The following PPP2R2B variants were observed in gnomAD, a reference collection of about 807,000 sequenced individuals.
PPP2R2B encodes serine/threonine-protein phosphatase 2A 55 kDa regulatory subunit B beta isoform.
A neutral mutation model predicts 46.0 loss-of-function variants in PPP2R2B; 5 were observed. The ratio of observed to expected loss-of-function variants is 0.11; its 90% CI spans 0.06 to 0.23. The LOEUF (loss-of-function observed/expected upper bound fraction) is 0.23. PPP2R2B is among the 10% of genes least tolerant of loss of function. PPP2R2B has a pLI of 1.00. For missense variants in PPP2R2B, 367 were observed against 575.0 expected (o/e 0.64, Z 3.70); for synonymous variants, 215 against 206.7 (o/e 1.04, Z -0.34).
chr5:146,634,175 C>G (rs1411594436), intron 7 of PPP2R2B, among the ~76,000 whole-genome samples: 1 of 152,120 alleles, frequency 6.6e-6, no homozygotes, highest in East Asian at 1.9e-4. Context: ...CTCATCTCAT[C>G]AGTTGAAGGC....
chr5:146,893,808 C>T (rs1171548469), intron 1 of PPP2R2B, among the ~76,000 whole-genome samples: 3 of 151,458 alleles, frequency 2.0e-5, no homozygotes, highest in East Asian at 1.9e-4. Flanking sequence ...TGCAGCAAAC[C>T]GCCATGGCAC....
At chr5:146,919,026 G>A (rs977752770) in intron 1 of PPP2R2B, among the ~76,000 whole-genome samples, 7 of 152,088 alleles carry the variant, frequency 4.6e-5, no homozygotes, top group Non-Finnish European at 8.8e-5. Context: ...TAAATAATTA[G>A]AAATCAATTA....
At chr5:146,799,986 C>T (rs1380767848) in intron 2 of PPP2R2B, among the ~76,000 whole-genome samples, 2 of 151,870 alleles carry the variant, frequency 1.3e-5, no homozygotes, top group African/African-American at 4.8e-5. Context: ...ATGGGAATTG[C>T]TCTCCCATTG....
chr5:147,000,856 G>T (rs1266002961), intron 1 of PPP2R2B, among the ~76,000 whole-genome samples: 1 of 152,026 alleles, frequency 6.6e-6, no homozygotes, highest in African/African-American at 2.4e-5. Flanking sequence ...GGTTCACACT[G>T]ATTTCTTCAA....
At chr5:146,848,504 G>A (rs1296266218) in intron 2 of PPP2R2B, among the ~76,000 whole-genome samples, 1 of 152,014 alleles carries the variant, frequency 6.6e-6, no homozygotes, top group Non-Finnish European at 1.5e-5. Context: ...ATAGCAGTAA[G>A]GTATACTGTA....
At chr5:146,926,504 G>C (rs1763787545) in intron 1 of PPP2R2B, among the ~76,000 whole-genome samples, 1 of 151,958 alleles carries the variant, frequency 6.6e-6, no homozygotes, top group African/African-American at 2.4e-5. Context: ...CCATTCTCCT[G>C]CCTCAGCCTC....
At position 146,712,728 on chromosome 5, in the gene PPP2R2B, C is replaced by G. The variant is rs78942869; in HGVS notation, c.71-11586G>C. 0.014 allele frequency among the ~76,000 whole-genome samples: 2,169 copies of G among 152,234 alleles called. 169 individuals carry two copies. In the East Asian group the frequency reaches 0.23, roughly 16 times the overall value. ...TCCTCCCTCACCACTCTGTGCATCC[C>G]TCCCAGAGCTGCACAATGGGTTGAA... On this transcript the variant is annotated intron_variant, in intron 2 of 9. Transcript: ENST00000394411.
intron 2 of PPP2R2B, among the ~76,000 whole-genome samples, chr5:146,782,963 A>G (rs577288442): frequency 4.6e-5 from 7 of 152,316 alleles, no homozygotes; most frequent in Non-Finnish European, 1.0e-4. Context: ...ATATGGAAAA[A>G]AAATCCTTTA....
intron 8 of PPP2R2B, among the ~76,000 whole-genome samples, chr5:146,593,350 T>A (rs1219839955): frequency 1.3e-5 from 2 of 152,236 alleles, no homozygotes; most frequent in African/African-American, 4.8e-5. Flanking sequence ...GCTGATTTGC[T>A]CACAGGCATT....
chr5:146,677,293 T>G (rs1231729621), intron 5 of PPP2R2B, among the ~76,000 whole-genome samples: 1 of 152,144 alleles, frequency 6.6e-6, no homozygotes, highest in Non-Finnish European at 1.5e-5. Context: ...TCTCACTCCC[T>G]GAAAATAATG....
intron 2 of PPP2R2B, among the ~76,000 whole-genome samples, chr5:146,733,507 A>G (rs1039664325): frequency 6.6e-6 from 1 of 152,216 alleles, no homozygotes; most frequent in African/African-American, 2.4e-5. Context: ...GCTTTCAGTA[A>G]GAAGTATGTG....
intron 2 of PPP2R2B, among the ~76,000 whole-genome samples, chr5:146,717,519 A>G (rs1780561443): frequency 6.6e-6 from 1 of 152,240 alleles, no homozygotes; most frequent in Non-Finnish European, 1.5e-5. Context: ...TCAGTATTTT[A>G]TCAGGTAACA....
intron 2 of PPP2R2B, among the ~76,000 whole-genome samples, chr5:146,825,375 T>C (rs1304060240): frequency 1.3e-5 from 2 of 152,222 alleles, no homozygotes; most frequent in Admixed American, 6.5e-5. Flanking sequence ...TAGTATCTCC[T>C]AGTATTCTGC....
intron 2 of PPP2R2B, among the ~76,000 whole-genome samples, chr5:146,758,881 C>A (rs1179858980): frequency 6.6e-6 from 1 of 152,122 alleles, no homozygotes; most frequent in Non-Finnish European, 1.5e-5. Flanking sequence ...TCTCTACAGA[C>A]CCCTAGGTTT....
intron 1 of PPP2R2B, among the ~76,000 whole-genome samples, chr5:146,911,523 C>T (rs1361158836): frequency 2.0e-5 from 3 of 152,164 alleles, no homozygotes; most frequent in Non-Finnish European, 4.4e-5. Flanking sequence ...AATTTATCCT[C>T]ACCACAGTAG....
chr5:146,685,300 C>T (rs1024755306), intron 5 of PPP2R2B, among the ~76,000 whole-genome samples: 1 of 152,224 alleles, frequency 6.6e-6, no homozygotes, highest in Non-Finnish European at 1.5e-5. Context: ...CAGTACTTAC[C>T]TTTCTGAGCC....
chr5:146,600,636 CATT>C (rs1359137045), intron 7 of PPP2R2B, among the ~76,000 whole-genome samples, 176 bp from the exon 8 acceptor site: 1 of 152,092 alleles, frequency 6.6e-6, no homozygotes, highest in African/African-American at 2.4e-5. Context: ...AAAAAGCTGT[CATT>C]AGTTTCTGGA....
intron 1 of PPP2R2B, among the ~76,000 whole-genome samples, chr5:146,918,067 T>C (rs974615086): frequency 2.6e-5 from 4 of 152,176 alleles, no homozygotes; most frequent in African/African-American, 9.7e-5. Context: ...CTTGAAAACA[T>C]ATAATCTTGT....
chr5:146,604,154 A>G (rs960030819), intron 7 of PPP2R2B, among the ~76,000 whole-genome samples: 4 of 152,166 alleles, frequency 2.6e-5, no homozygotes, highest in African/African-American at 4.8e-5. Context: ...AATCACACAA[A>G]TGTGGTTACA....
Sources: gnomAD v4.1 joint callset for allele counts (sites outside exome capture counted in the v4.1 genomes callset) on GRCh38, gnomAD v4.1.1 for gene constraint, MANE v1.5 for transcripts, NCBI Gene and HGNC (gene_info 2026-07-23, HGNC 2026-07-21) for gene names.